CNBD1: variants seen among roughly 807,000 people sequenced by gnomAD.
The protein encoded by CNBD1 is cyclic nucleotide-binding domain-containing protein 1.
CNBD1 carries 71 observed loss-of-function variants against 54.4 expected under a neutral mutation model. The observed-to-expected ratio is 1.30, with a 90% confidence interval of 1.08 to 1.59. The LOEUF (loss-of-function observed/expected upper bound fraction) is 1.59. Among genes scored for constraint, CNBD1 ranks in the 40% most tolerant of loss-of-function variants. The probability of loss-of-function intolerance (pLI) is 0.00; values close to 1 mark genes in which losing one functional copy is unlikely to be tolerated. For synonymous variants in CNBD1, 182 were observed against 170.7 expected (o/e 1.07, Z -0.51); for missense variants, 659 against 518.0 (o/e 1.27, Z -2.64).
At chr8:86,894,153 C>G (rs1389163393) in intron 2 of CNBD1, among the ~76,000 whole-genome samples, 2 of 136,290 alleles carry the variant, frequency 1.5e-5, no homozygotes, top group Non-Finnish European at 3.1e-5. Flanking sequence ...GCTCCGCTTC[C>G]CGGGTTCACG....
At chr8:87,220,626 A>G (rs984382550) in intron 5 of CNBD1, among the ~76,000 whole-genome samples, 1 of 151,798 alleles carries the variant, frequency 6.6e-6, no homozygotes, top group Non-Finnish European at 1.5e-5. Context: ...CAACATTCAC[A>G]TAATTGAACT....
At chr8:87,307,210 C>T (rs1261718285) in intron 8 of CNBD1, among the ~76,000 whole-genome samples, 2 of 152,120 alleles carry the variant, frequency 1.3e-5, no homozygotes, top group Admixed American at 6.6e-5. Flanking sequence ...TAAATATGTA[C>T]TTACAATGCA....
At chr8:87,421,255 T>C (rs948680791) in intron 2 of CNBD1, among the ~76,000 whole-genome samples, 1 of 151,836 alleles carries the variant, frequency 6.6e-6, no homozygotes, top group Non-Finnish European at 1.5e-5. Flanking sequence ...ATGTTCATTT[T>C]TTATTTTTTA....
chr8:87,364,700 T>A (rs2130940570), intron 10 of CNBD1, among the ~76,000 whole-genome samples: 1 of 152,088 alleles, frequency 6.6e-6, no homozygotes, highest in Non-Finnish European at 1.5e-5. Context: ...TGCATTCATG[T>A]GTTCTCATCA....
chr8:87,183,673 A>G (rs969739316), intron 4 of CNBD1, among the ~76,000 whole-genome samples: 4 of 151,942 alleles, frequency 2.6e-5, no homozygotes, highest in African/African-American at 9.7e-5. Flanking sequence ...TAGTCCTTTA[A>G]TCTTTGAAGT....
chr8:87,380,371 C>T (rs1367998044), intron 10 of CNBD1, among the ~76,000 whole-genome samples: 1 of 151,694 alleles, frequency 6.6e-6, no homozygotes. Context: ...TGTTCTATTA[C>T]TCTGTATGAT....
intron 8 of CNBD1, among the ~76,000 whole-genome samples, chr8:87,339,289 T>C (rs1035543709): frequency 2.6e-5 from 4 of 152,190 alleles, no homozygotes; most frequent in African/African-American, 9.7e-5. Flanking sequence ...ATCATAGTAA[T>C]GGGTTCTCCC....
At chr8:86,935,222 G>C (rs1259818611) in intron 3 of CNBD1, among the ~76,000 whole-genome samples, 2 of 151,982 alleles carry the variant, frequency 1.3e-5, no homozygotes, top group Non-Finnish European at 2.9e-5. Context: ...ATTTTTAGTA[G>C]AGACAGGGTT....
chr8:87,242,899 G>A (rs976737893), intron 6 of CNBD1, among the ~76,000 whole-genome samples: 2 of 152,018 alleles, frequency 1.3e-5, no homozygotes, highest in African/African-American at 4.8e-5. Context: ...TTATTTTCTT[G>A]TATCAATTAC....
chr8:87,234,778 C>T (rs911302215), intron 5 of CNBD1, among the ~76,000 whole-genome samples: 1 of 152,150 alleles, frequency 6.6e-6, no homozygotes, highest in Admixed American at 6.6e-5. Context: ...ACCTGCATGT[C>T]ACCATCACGA....
intron 4 of CNBD1, among the ~76,000 whole-genome samples, chr8:87,000,003 A>T (rs1808959569): frequency 6.6e-6 from 1 of 152,102 alleles, no homozygotes; most frequent in Admixed American, 6.5e-5. Flanking sequence ...TCCTAGGAAA[A>T]GGTCATGGGT....
At chr8:87,077,727 T>TC (rs1303773975) in intron 4 of CNBD1, among the ~76,000 whole-genome samples, 1 of 151,986 alleles carries the variant, frequency 6.6e-6, no homozygotes, top group Non-Finnish European at 1.5e-5. Flanking sequence ...TTCATCCATG[T>TC]CCCTACAAAG....
intron 4 of CNBD1, among the ~76,000 whole-genome samples, chr8:86,963,097 C>T (rs1207171011): frequency 6.6e-6 from 1 of 152,112 alleles, no homozygotes; most frequent in African/African-American, 2.4e-5. Context: ...GGGTATGTGA[C>T]AGGGAGAAAA....
chr8:86,956,757 C>G (rs1167650168), intron 4 of CNBD1, among the ~76,000 whole-genome samples: 1 of 152,160 alleles, frequency 6.6e-6, no homozygotes, highest in Non-Finnish European at 1.5e-5. Context: ...TATAAATATA[C>G]AATCATGTCA....
chr8:87,207,174 T>A (rs1813994009), intron 5 of CNBD1, among the ~76,000 whole-genome samples: 1 of 152,116 alleles, frequency 6.6e-6, no homozygotes, highest in Non-Finnish European at 1.5e-5. Context: ...CAACATTGCT[T>A]TGCTATTAGA....
chr8:86,888,018 T>C (rs928694292), intron 2 of CNBD1, among the ~76,000 whole-genome samples: 2 of 152,176 alleles, frequency 1.3e-5, no homozygotes, highest in African/African-American at 4.8e-5. Context: ...ATTCCTAAGA[T>C]GTGTAATACT....
intron 10 of CNBD1, among the ~76,000 whole-genome samples, chr8:87,357,892 G>T (rs1810452020): frequency 1.3e-5 from 2 of 152,124 alleles, no homozygotes; most frequent in African/African-American, 4.8e-5. Context: ...TGTTATTGAG[G>T]TAGACTCCTA....
At chr8:87,033,103 C>T (rs886892046) in intron 4 of CNBD1, among the ~76,000 whole-genome samples, 4 of 152,158 alleles carry the variant, frequency 2.6e-5, no homozygotes, top group Non-Finnish European at 2.9e-5. Context: ...GGCTTGATGA[C>T]CTTTACAGCT....
intron 4 of CNBD1, among the ~76,000 whole-genome samples, chr8:87,059,316 C>T (rs987823607): frequency 2.0e-5 from 3 of 152,152 alleles, no homozygotes; most frequent in Admixed American, 6.5e-5. Flanking sequence ...TCTTCTGAGC[C>T]CTCTAAACTA....
Sources: allele counts gnomAD v4.1 joint callset (sites outside exome capture counted in the v4.1 genomes callset), GRCh38; gene constraint gnomAD v4.1.1; transcripts MANE v1.5; gene names NCBI Gene and HGNC (gene_info 2026-07-23, HGNC 2026-07-21).